The following DHRSX variants were observed in gnomAD, a reference collection of about 807,000 sequenced individuals.
DHRSX encodes dehydrogenase/reductase X-linked, also known as polyprenol dehydrogenase.
Under a neutral mutation model 34.0 loss-of-function variants are expected in DHRSX, and 31 were observed. That is an observed-to-expected ratio of 0.91 (90% CI 0.69 to 1.23). The LOEUF (loss-of-function observed/expected upper bound fraction) is 1.23, where lower values mean the gene tolerates loss of function less well. Among genes scored for constraint, DHRSX ranks in the 50% most tolerant of loss-of-function variants. DHRSX has a pLI of 0.00. For synonymous variants in DHRSX, 201 were observed against 183.8 expected (o/e 1.09, Z -0.76); for missense variants, 414 against 428.1 (o/e 0.97, Z 0.29).
At chrX:2,251,911 G>A (rs1263238214) in intron 5 of DHRSX, among the ~76,000 whole-genome samples, 1 of 152,052 alleles carries the variant, frequency 6.6e-6, no homozygotes, top group Non-Finnish European at 1.5e-5. Flanking sequence ...TGGGGTAGGA[G>A]GGGACTGGAA....
intron 5 of DHRSX, among the ~76,000 whole-genome samples, chrX:2,247,097 C>CA (rs1188648432): frequency 6.6e-6 from 1 of 152,010 alleles, no homozygotes; most frequent in Non-Finnish European, 1.5e-5. Flanking sequence ...TACAGGCATA[C>CA]ACCACCATGC....
intron 3 of DHRSX, among the ~76,000 whole-genome samples, chrX:2,381,797 CAAAA>C (rs767319246): frequency 0.27 from 22,324 of 81,312 alleles, 1,899 homozygotes; most frequent in Non-Finnish European, 0.36. Flanking sequence ...AAGCCACAAC[CAAAA>C]AAAAAAAAAA....
At chrX:2,440,923 A>T (rs1286570721) in intron 1 of DHRSX, among the ~76,000 whole-genome samples, 1 of 152,192 alleles carries the variant, frequency 6.6e-6, no homozygotes, top group African/African-American at 2.4e-5. Flanking sequence ...CTTGAACAGC[A>T]TGAAGAGCAA....
chrX:2,440,099 T>A (rs5982585), intron 1 of DHRSX, among the ~76,000 whole-genome samples: 120,662 of 152,170 alleles, frequency 0.79, 48,225 homozygotes, highest in East Asian at 1. Context: ...ATGAACAGAA[T>A]GCAGAAAGGA....
intron 5 of DHRSX, among the ~76,000 whole-genome samples, chrX:2,252,307 G>C (rs2016452150): frequency 6.6e-6 from 1 of 152,122 alleles, no homozygotes; most frequent in African/African-American, 2.4e-5. Flanking sequence ...GTAGTTCAGA[G>C]CTGAAGTCCC....
chrX:2,374,754 A>C (rs1026363317), intron 3 of DHRSX, among the ~76,000 whole-genome samples: 1 of 133,374 alleles, frequency 7.5e-6, no homozygotes, highest in Non-Finnish European at 1.8e-5. Context: ...AAACCAAAAA[A>C]CAAAAAACGA....
chrX:2,472,974 C>T (rs2044616456), intron 1 of DHRSX, among the ~76,000 whole-genome samples: 2 of 152,018 alleles, frequency 1.3e-5, no homozygotes, highest in Non-Finnish European at 2.9e-5. Context: ...CAGAAATCCC[C>T]GAGACTTAAT....
chrX:2,365,626 A>G (rs936131142), intron 3 of DHRSX, among the ~76,000 whole-genome samples: 21 of 152,180 alleles, frequency 1.4e-4, no homozygotes, highest in African/African-American at 4.8e-4. Flanking sequence ...GATTTCCTCA[A>G]AATACACAGA....
At chrX:2,277,176 T>G (rs1480301632) in intron 4 of DHRSX, among the ~76,000 whole-genome samples, 3 of 1,850 alleles carry the variant, frequency 1.6e-3, no homozygotes, top group Non-Finnish European at 2.8e-3. Context: ...GAAAGAGAGA[T>G]GGAGAGGGAA....
At chrX:2,227,088 C>A (rs1337586327) in intron 6 of DHRSX, among the ~76,000 whole-genome samples, 1 of 152,024 alleles carries the variant, frequency 6.6e-6, no homozygotes, top group South Asian at 2.1e-4. Context: ...AGCTGGAGCA[C>A]CCTGCACCTG....
chrX:2,356,982 A>T (rs1439655876), intron 3 of DHRSX, among the ~76,000 whole-genome samples: 3 of 152,110 alleles, frequency 2.0e-5, no homozygotes, highest in Non-Finnish European at 4.4e-5. Flanking sequence ...AGGGGCTCAC[A>T]TCTGTAATCC....
intron 1 of DHRSX, among the ~76,000 whole-genome samples, chrX:2,430,275 G>C (rs1485739458): frequency 7.9e-6 from 1 of 126,352 alleles, no homozygotes. Context: ...AAAAAAAAAA[G>C]CATCACAGAT....
chrX:2,417,038 G>T (rs1403802094), intron 2 of DHRSX, among the ~76,000 whole-genome samples: 1 of 152,102 alleles, frequency 6.6e-6, no homozygotes, highest in African/African-American at 2.4e-5. Flanking sequence ...TCACACAGGG[G>T]AAATAAGACT....
chrX:2,255,274 G>A (rs1911068521), intron 5 of DHRSX, among the ~76,000 whole-genome samples: 1 of 152,134 alleles, frequency 6.6e-6, no homozygotes, highest in African/African-American at 2.4e-5. Context: ...AATTCCAGCT[G>A]CATCCAAACA....
chrX:2,490,947 C>T (rs769714483), intron 1 of DHRSX, among the ~76,000 whole-genome samples: 3 of 152,234 alleles, frequency 2.0e-5, no homozygotes, highest in Admixed American at 1.3e-4. Flanking sequence ...GGGAACCTAG[C>T]GCAGGAATAC....
intron 5 of DHRSX, among the ~76,000 whole-genome samples, chrX:2,243,862 C>T (rs1168973781): frequency 2.9e-5 from 4 of 140,010 alleles, no homozygotes; most frequent in Non-Finnish European, 4.5e-5. Flanking sequence ...TGCAGCCTCC[C>T]GGGTTCAAGC....
chrX:2,418,624 G>A (rs779782754), intron 2 of DHRSX, among the ~76,000 whole-genome samples: 2 of 152,268 alleles, frequency 1.3e-5, no homozygotes, highest in Admixed American at 6.5e-5. Context: ...TAATGGATGT[G>A]AGCCCTCCCA....
chrX:2,315,854 T>C (rs1373399449), intron 3 of DHRSX, among the ~76,000 whole-genome samples: 1 of 152,108 alleles, frequency 6.6e-6, no homozygotes. Context: ...GTTGTGAGAT[T>C]GAGTCACATT....
intron 1 of DHRSX, among the ~76,000 whole-genome samples, chrX:2,485,135 C>G (rs1464507123): frequency 6.6e-6 from 1 of 152,084 alleles, no homozygotes; most frequent in African/African-American, 2.4e-5. Context: ...CCGAAAAATC[C>G]CACCACTGTG....
Sources: gnomAD v4.1 joint callset for allele counts (sites outside exome capture counted in the v4.1 genomes callset) on GRCh38, gnomAD v4.1.1 for gene constraint, MANE v1.5 for transcripts, NCBI Gene and HGNC (gene_info 2026-07-23, HGNC 2026-07-21) for gene names.